Variants in RGS21 observed in about 807,000 individuals in gnomAD.
RGS21 encodes regulator of G protein signaling 21, also known as regulator of G-protein signalling 21.
In RGS21, 19 loss-of-function variants were observed where a neutral mutation model predicts 18.7. That is an observed-to-expected ratio of 1.01 (90% CI 0.71 to 1.49). The LOEUF (loss-of-function observed/expected upper bound fraction) is 1.49, where lower values mean the gene tolerates loss of function less well. Ranked by LOEUF, RGS21 falls within the 40% of genes most tolerant of loss-of-function variation. The pLI is 0.00. For synonymous variants in RGS21, 56 were observed against 57.8 expected (o/e 0.97, Z 0.14); for missense variants, 194 against 176.8 (o/e 1.10, Z -0.55).
intron 4 of RGS21, among the ~76,000 whole-genome samples, chr1:192,355,189 G>A (rs1022017675): frequency 6.6e-6 from 1 of 151,550 alleles, no homozygotes; most frequent in Non-Finnish European, 1.5e-5. Context: ...TTATCTCTCT[G>A]CCTCAGTTTC....
chr1:192,365,740 T>A (rs1368136658), intron 4 of RGS21, among the ~76,000 whole-genome samples, 181 bp from the exon 5 acceptor site: 1 of 152,084 alleles, frequency 6.6e-6, no homozygotes, highest in Non-Finnish European at 1.5e-5. Context: ...CTCTCAAGCA[T>A]GGAAGAAAAA....
At chr1:192,358,585 G>T (rs1384085233) in intron 4 of RGS21, among the ~76,000 whole-genome samples, 1 of 151,944 alleles carries the variant, frequency 6.6e-6, no homozygotes, top group African/African-American at 2.4e-5. Flanking sequence ...TTTGTAAGGC[G>T]TTTTACTTAT....
intron 3 of RGS21, among the ~76,000 whole-genome samples, chr1:192,351,473 A>G (rs1659039077): frequency 6.6e-6 from 1 of 152,004 alleles, no homozygotes; most frequent in South Asian, 2.1e-4. Flanking sequence ...TGAATTGAGT[A>G]TAACATAATT....
chr1:192,337,028 G>A (rs1658777764), intron 1 of RGS21, among the ~76,000 whole-genome samples: 2 of 151,644 alleles, frequency 1.3e-5, no homozygotes, highest in East Asian at 1.9e-4. Flanking sequence ...TCATGGCTTT[G>A]ATAATTTATT....
chr1:192,327,890 A>T (rs141697739), intron 1 of RGS21, among the ~76,000 whole-genome samples: 1 of 152,346 alleles, frequency 6.6e-6, no homozygotes, highest in East Asian at 1.9e-4. Context: ...GCATGAAATG[A>T]TGACACGAGA....
chr1:192,321,338 T>C (rs901777368), intron 1 of RGS21, among the ~76,000 whole-genome samples: 12 of 151,964 alleles, frequency 7.9e-5, no homozygotes, highest in African/African-American at 2.2e-4. Flanking sequence ...ATCTCAAGAA[T>C]ATAAAATGAT....
chr1:192,342,236 A>G (rs971274450), intron 1 of RGS21, among the ~76,000 whole-genome samples: 11 of 152,078 alleles, frequency 7.2e-5, no homozygotes, highest in African/African-American at 2.7e-4. Context: ...ACTACCAAAG[A>G]ACTGTATTAC....
intron 1 of RGS21, among the ~76,000 whole-genome samples, chr1:192,327,247 T>A (rs901716200): frequency 2.6e-5 from 4 of 151,692 alleles, no homozygotes; most frequent in African/African-American, 9.7e-5. Context: ...AGAAAATAAG[T>A]GCAGTATAAA....
intron 1 of RGS21, among the ~76,000 whole-genome samples, chr1:192,320,501 T>C (rs1572729): frequency 0.45 from 67,855 of 149,858 alleles, 16,173 homozygotes; most frequent in African/African-American, 0.59. Context: ...TGTAAAGGAA[T>C]GTGTATGTGT....
intron 1 of RGS21, among the ~76,000 whole-genome samples, chr1:192,337,649 A>C (rs1266565495): frequency 6.6e-6 from 1 of 152,114 alleles, no homozygotes; most frequent in East Asian, 1.9e-4. Flanking sequence ...GGGTCAATTA[A>C]GTGATTATTT....
intron 4 of RGS21, among the ~76,000 whole-genome samples, chr1:192,363,772 A>G (rs1175842431): frequency 6.6e-6 from 1 of 152,122 alleles, no homozygotes; most frequent in African/African-American, 2.4e-5. Context: ...CTGGCTCTCA[A>G]GGTGTAGTGG....
At chr1:192,359,655 G>GTATATATATATATATATATATATA (rs10638712) in intron 4 of RGS21, among the ~76,000 whole-genome samples, 51 of 124,236 alleles carry the variant, frequency 4.1e-4, no homozygotes, top group African/African-American at 1.1e-3. Flanking sequence ...GTGTGTGTGT[G>GTATATATATATATATATATATATA]TATATATATA....
intron 1 of RGS21, among the ~76,000 whole-genome samples, chr1:192,321,216 A>G (rs1658493152): frequency 6.6e-6 from 1 of 151,898 alleles, no homozygotes; most frequent in African/African-American, 2.4e-5. Flanking sequence ...CATTTTTTCT[A>G]GTAAGCACTT....
intron 4 of RGS21, among the ~76,000 whole-genome samples, chr1:192,356,390 C>A (rs1347953442): frequency 6.6e-6 from 1 of 151,592 alleles, no homozygotes; most frequent in Non-Finnish European, 1.5e-5. Flanking sequence ...CTCTCCATAA[C>A]GAAATGTAAG....
intron 3 of RGS21, among the ~76,000 whole-genome samples, chr1:192,350,302 C>T (rs1659021871): frequency 6.6e-6 from 1 of 152,184 alleles, no homozygotes; most frequent in Non-Finnish European, 1.5e-5. Flanking sequence ...TTTTTAGACA[C>T]TTTAATTCTG....
At chr1:192,351,074 T>C (rs1264348176) in intron 3 of RGS21, among the ~76,000 whole-genome samples, 2 of 152,124 alleles carry the variant, frequency 1.3e-5, no homozygotes, top group African/African-American at 2.4e-5. Context: ...AGTGAGTCCA[T>C]TGCAGTTTCG....
chr1:192,341,648 A>G (rs938234354), intron 1 of RGS21, among the ~76,000 whole-genome samples: 58 of 152,248 alleles, frequency 3.8e-4, no homozygotes, highest in African/African-American at 1.2e-3. Flanking sequence ...GATTTATGAG[A>G]AAAAGCATGC....
At position 192,358,232 on chromosome 1, in the gene RGS21, TATTTCTCTC is replaced by T. The variant is rs1234352799; in HGVS notation, c.255+6028_255+6036del. On this transcript the variant is annotated intron_variant, in intron 4 of 4. Transcript: ENST00000417209. ...AATTAATCAGGATGGTTTTGAATTA[TATTTCTCTC>T]ATTTCTCTTTCCCAATTTAAGGTGT... Among the ~76,000 whole-genome samples the T allele has an allele frequency of 4.6e-5, 7 of 152,076 alleles. 1 individual carries two copies. The highest frequency in any genetic ancestry group is 3.3e-4 in the Admixed American group (5 of 15,226).
chr1:192,340,246 T>G (rs1658838341), intron 1 of RGS21, among the ~76,000 whole-genome samples: 1 of 152,146 alleles, frequency 6.6e-6, no homozygotes, highest in African/African-American at 2.4e-5. Flanking sequence ...ATCTTCACCA[T>G]GTTTCTGTGA....
Sources: gnomAD v4.1 joint callset for allele counts (sites outside exome capture counted in the v4.1 genomes callset) on GRCh38, gnomAD v4.1.1 for gene constraint, MANE v1.5 for transcripts, NCBI Gene and HGNC (gene_info 2026-07-23, HGNC 2026-07-21) for gene names.